The following USHBP1 variants were observed in gnomAD, a reference collection of about 807,000 sequenced individuals.
USHBP1 encodes harmonin-binding protein USHBP1.
A neutral mutation model predicts 76.2 loss-of-function variants in USHBP1; 67 were observed. The observed-to-expected ratio is 0.88, with a 90% CI of 0.72 to 1.08. USHBP1 has a LOEUF of 1.08. USHBP1 is among the 50% of genes least tolerant of loss of function. The pLI, the probability that USHBP1 is intolerant of heterozygous loss-of-function variation, is 0.00. For synonymous variants in USHBP1, 322 were observed against 362.2 expected (o/e 0.89, Z 1.26); for missense variants, 931 against 915.0 (o/e 1.02, Z -0.23).
intron 10 of USHBP1, among the ~76,000 whole-genome samples, chr19:17,254,171 G>A (rs1455237397): frequency 1.3e-5 from 2 of 151,622 alleles, no homozygotes; most frequent in African/African-American, 4.8e-5. Context: ...ATGAAACCCC[G>A]TCTCTACTAA....
intron 8 of USHBP1, 127 bp downstream of exon 8, chr19:17,258,085 G>T: frequency 3.0e-6 from 4 of 1,314,554 alleles, no homozygotes; most frequent in East Asian, 2.3e-5. Context: ...ACTACAGTGA[G>T]CTCCATACCG....
intron 12 of USHBP1, 56 bp downstream of exon 12, chr19:17,251,526 G>A: frequency 6.2e-7 from 1 of 1,605,308 alleles, no homozygotes; most frequent in Non-Finnish European, 8.5e-7. Context: ...GGATACTTCT[G>A]ATATCCTGGT....
intron 10 of USHBP1, among the ~76,000 whole-genome samples, chr19:17,252,297 G>A (rs973650686): frequency 3.3e-5 from 5 of 152,092 alleles, no homozygotes; most frequent in African/African-American, 9.7e-5. Flanking sequence ...CCAGGTTCAA[G>A]CGATTCTCCT....
In USHBP1 at chr19:17,260,454, C is replaced by T. The variant is rs1166188644; in HGVS notation, c.643-432G>A. Among the ~76,000 whole-genome samples, 8 of 152,274 alleles carry T rather than the reference C, an allele frequency of 5.3e-5. No homozygotes were observed. In the South Asian group the frequency reaches 6.2e-4, roughly 12 times the overall value. On this transcript the variant is annotated intron_variant, in intron 4 of 12. Transcript: ENST00000252597. ...AAGTGATTCTCCTGCTTCAGCCTCC[C>T]GAGTAGCTGGGATTACAGGCATCTG...
intron 1 of USHBP1, 69 bp from the exon 2 acceptor site, chr19:17,264,416 T>C (rs2073728972): frequency 7.2e-6 from 9 of 1,243,114 alleles, no homozygotes; most frequent in South Asian, 1.6e-5. Context: ...CAATTTCCTC[T>C]GCTGTGAAAT....
At chr19:17,258,424 C>T (rs1360924258) in intron 7 of USHBP1, 39 bp from the exon 8 acceptor site, 2 of 1,590,672 alleles carry the variant, frequency 1.3e-6, no homozygotes, top group Non-Finnish European at 1.7e-6. Context: ...GGACACTCAG[C>T]TCGGCTGGGT....
At chr19:17,258,158 C>G (rs1477225542) in intron 8 of USHBP1, 54 bp downstream of exon 8, 20 of 1,607,382 alleles carry the variant, frequency 1.2e-5, no homozygotes, top group Non-Finnish European at 1.6e-5. Context: ...CCCCATCCCC[C>G]AGTCAAGACC....
rs766458533 is a variant in USHBP1, at chr19:17,255,420, C to T, written c.1657G>A (p.Gly553Ser). Residue 553 changes from glycine (G) to serine (S), a missense_variant, in exon 10 of 13, where the codon GGT becomes AGT. Physicochemically the swap from Gly to Ser is moderately conservative, Grantham distance 56 (BLOSUM62 0). Coordinates refer to ENST00000252597, the MANE Select transcript of USHBP1 (RefSeq NM_031941.4). ...TCTTCCTCGTCCCCGCTGCTGCCACCTCCGCTGCTATGTCCGCCACTGCTG... is the reference window on the plus strand; with the variant it reads ...TCTTCCTCGTCCCCGCTGCTGCCACTTCCGCTGCTATGTCCGCCACTGCTG... Reference protein sequence around the residue: ...ANSSGGHSSGGGSSGDEEEWY... With the variant: ...ANSSGGHSSGSGSSGDEEEWY... 9.3e-6 allele frequency: 15 copies of T among 1,614,170 alleles called. No individual in the cohort carries two copies. The South Asian group carries it at 1.5e-4, about 17-fold the overall frequency.
At chr19:17,256,427 T>C (rs200747077) in intron 9 of USHBP1, 44 bp downstream of exon 9, 9 of 1,606,016 alleles carry the variant, frequency 5.6e-6, no homozygotes, top group Non-Finnish European at 7.6e-6. Context: ...AAGGATTTTG[T>C]CCCACCAAGA....
chr19:17,256,364 T>A (rs984475122), intron 9 of USHBP1, 107 bp downstream of exon 9: 1 of 1,498,732 alleles, frequency 6.7e-7, no homozygotes, highest in African/African-American at 1.4e-5. Context: ...TCACAATGCC[T>A]GCACTCAGCC....
chr19:17,258,238 T>C lies in USHBP1; in HGVS notation c.1194A>G (p.Ala398=). 1.9e-6 allele frequency: 3 copies of C among 1,614,056 alleles called. No individual in the cohort carries two copies. The highest frequency in any genetic ancestry group is 2.5e-6 in the Non-Finnish European group (3 of 1,180,028). ...LLAQEEAAMD[A]GAQQNPQPSP... Reference sequence around the variant, plus strand: ...TTGGCTGTGGATTCTGCTGTGCTCCTGCATCCATGGCAGCCTCCTCTTGTG... The same window carrying C: ...TTGGCTGTGGATTCTGCTGTGCTCCCGCATCCATGGCAGCCTCCTCTTGTG... Residue 398 remains alanine (A), a synonymous_variant, in exon 8 of 13, where the codon GCA becomes GCG. Coordinates refer to ENST00000252597, the MANE Select transcript of USHBP1 (RefSeq NM_031941.4).
intron 3 of USHBP1, 59 bp from the exon 4 acceptor site, chr19:17,263,049 A>AT: frequency 6.8e-7 from 1 of 1,475,538 alleles, no homozygotes; most frequent in East Asian, 2.3e-5. Flanking sequence ...ATTCTTTTTT[A>AT]TTTTTTGAGA....
Position 17,250,001 on chromosome 19 carries a change from A to T in USHBP1, c.*224T>A, listed in dbSNP as rs1365482550. On this transcript the variant is annotated 3_prime_UTR_variant, in exon 13 of 13. Transcript: ENST00000252597. ...GGTTGCTTCTGGCCTGACCCCACTG[A>T]TATGAAGTTCACATTCCACTTGGTG... The T allele has an allele frequency of 3.5e-6, 2 of 572,236 alleles. No homozygotes were observed. The highest frequency in any genetic ancestry group is 3.9e-5 in the African/African-American group (2 of 51,554). The allele number at this position is 572,236 out of a possible 1,614,324, so 35.4% of individuals were successfully genotyped here.
intron 10 of USHBP1, among the ~76,000 whole-genome samples, chr19:17,253,668 G>A (rs561407339): frequency 1.1e-4 from 16 of 149,786 alleles, no homozygotes; most frequent in African/African-American, 2.4e-4. Flanking sequence ...CGAGACGGGC[G>A]GATCAGCCTG....
intron 9 of USHBP1, 28 bp from the exon 10 acceptor site, chr19:17,255,634 TTTA>T (rs1452789152): frequency 5.7e-6 from 9 of 1,575,468 alleles, no homozygotes. Context: ...GGGGAGAGAA[TTTA>T]TGCTTCTACG....
At chr19:17,250,529 C>A in intron 12 of USHBP1, 115 bp from the exon 13 acceptor site, 1 of 1,218,798 alleles carries the variant, frequency 8.2e-7, no homozygotes. Flanking sequence ...CCAAGGGTCC[C>A]AGCTAGCTGG....
rs1311980260 is a variant in USHBP1, at chr19:17,251,174, T to C, written c.1922+408A>G. Among the ~76,000 whole-genome samples, 3 of 150,520 alleles carry C rather than the reference T, an allele frequency of 2.0e-5. No homozygotes were observed. The East Asian group carries it at 5.8e-4, about 29-fold the overall frequency. On this transcript the variant is annotated intron_variant, in intron 12 of 12. Coordinates refer to ENST00000252597, the MANE Select transcript of USHBP1 (RefSeq NM_031941.4). ...TGCGCCTGGCCCAGCCTGTTGTTTTTTTTTTTTTTTTTTTAGACAGAGTCT... is the reference window on the plus strand; with the variant it reads ...TGCGCCTGGCCCAGCCTGTTGTTTTCTTTTTTTTTTTTTTAGACAGAGTCT...
chr19:17,264,321 C>T lies in USHBP1; in HGVS notation c.-22G>A, dbSNP rs544585721. On this transcript the variant is annotated 5_prime_UTR_variant, in exon 2 of 13. Coordinates refer to ENST00000252597, the MANE Select transcript of USHBP1 (RefSeq NM_031941.4). ...TCATTGCTGTCCAGAAGCCAGTGCC[C>T]TCTGAATGCTTCTCCTTCGTCAACC... 7.9e-5 allele frequency: 126 copies of T among 1,601,688 alleles called. No homozygotes were observed. In the East Asian group the frequency reaches 2.4e-3, roughly 30 times the overall value.
chr19:17,259,228 G>T, intron 7 of USHBP1, 61 bp downstream of exon 7: 1 of 1,540,442 alleles, frequency 6.5e-7, no homozygotes. Context: ...GTGGATTGGG[G>T]CCATCCTCAG....
Sources: allele counts gnomAD v4.1 joint callset (sites outside exome capture counted in the v4.1 genomes callset), GRCh38; gene constraint gnomAD v4.1.1; transcripts MANE v1.5; gene names NCBI Gene and HGNC (gene_info 2026-07-23, HGNC 2026-07-21).